SBK2: variants seen among roughly 807,000 people sequenced by gnomAD.
SBK2 encodes SH3 domain binding kinase family member 2, also known as serine/threonine-protein kinase SBK2.
In SBK2, 18 loss-of-function variants were observed where a neutral mutation model predicts 15.9. The observed-to-expected ratio is 1.13, with a 90% CI of 0.78 to 1.68. The LOEUF is 1.68. Among genes scored for constraint, SBK2 ranks in the 40% most tolerant of loss-of-function variants. SBK2 has a pLI of 0.00. For synonymous variants in SBK2, 284 were observed against 246.8 expected, an observed-to-expected ratio of 1.15 and a Z score of -1.41; for missense variants, 581 against 510.9, an observed-to-expected ratio of 1.14 and a Z score of -1.32.
chr19:55,534,204 G>A (rs2123480127), intron 2 of SBK2, among the ~76,000 whole-genome samples: 1 of 152,296 alleles, frequency 6.6e-6, no homozygotes, highest in African/African-American at 2.4e-5. Context: ...GAGGTAAAAT[G>A]AGGTCACTAG....
chr19:55,529,922 G>A lies in SBK2; in HGVS notation c.858C>T (p.Pro286=), dbSNP rs1988203268. 3 of 1,533,920 alleles carry A rather than the reference G, an allele frequency of 2.0e-6. No individual in the cohort carries two copies. In the East Asian group the frequency reaches 7.2e-5, roughly 37 times the overall value. Residue 286 remains proline, a synonymous_variant, in exon 4 of 4, where the codon CCC becomes CCT. Coordinates refer to ENST00000413299, the MANE Select transcript of SBK2 (RefSeq NM_001370096.2). The stretch of plus-strand genomic sequence containing the variant: ...CGAACCAGGGCTGAGGGCGGTCCCG[G>A]GGCTGGCCCGACGCCTGCCAGATGA... ...DFLIWQASGQ[P]RDRPQPWFGL...
chr19:55,536,115 C>G lies in SBK2; in HGVS notation c.180G>C (p.Glu60Asp), dbSNP rs900497298. 1.0e-5 allele frequency: 16 copies of G among 1,551,812 alleles called. No individual in the cohort carries two copies. Among genetic ancestry groups the G allele is most frequent in the Admixed American group, 1.9e-5 (1 of 51,596 alleles). Residue 60 changes from glutamate to aspartate, a missense_variant, in exon 2 of 4, where the codon GAG (glutamate) becomes GAC (aspartate). Coordinates refer to ENST00000413299, the MANE Select transcript of SBK2 (RefSeq NM_001370096.2). ...AQTLVRAEVD[E>D]LYEEVRPLGQ... ...CCAGGGGACGCACTTCCTCGTAGAG[C>G]TCGTCCACCTCGGCTCGGACCAGGG...
At position 55,530,085 on chromosome 19, in the gene SBK2, G is replaced by C. The variant is rs1988213096; in HGVS notation, c.695C>G (p.Pro232Arg). 6.9e-7 allele frequency: 1 copy of C among 1,440,394 alleles called. No homozygotes were observed. Among genetic ancestry groups the C allele is most frequent in the Non-Finnish European group, 9.1e-7 (1 of 1,102,876 alleles). 89.2% of individuals were successfully genotyped at this position (1,440,394 alleles called of 1,614,324 possible). ...AATGGGCAGGCCCTCGGGGAGCGGC[G>C]GGGGCGCGCAGAGCTCGGGGGCCGT... ...PYTAPELCAPPPLPEGLPIQP... is the reference protein window; with the variant it reads ...PYTAPELCAPRPLPEGLPIQP... The change falls in exon 4 of 4, where the codon CCG (proline) becomes CGG (arginine). Residue 232 changes from proline to arginine, a missense_variant. Physicochemically the swap from Pro to Arg is moderately radical, Grantham distance 103. Coordinates refer to ENST00000413299, the MANE Select transcript of SBK2 (RefSeq NM_001370096.2).
chr19:55,530,281 G>A lies in SBK2; in HGVS notation c.499C>T (p.Leu167=). 2 of 1,466,928 alleles carry A rather than the reference G, an allele frequency of 1.4e-6. No homozygotes were observed. The highest frequency in any genetic ancestry group is 1.8e-6 in the Non-Finnish European group (2 of 1,109,282). The allele number at this position is 1,466,928 out of a possible 1,614,324, so 90.9% of individuals were successfully genotyped here. A position where few individuals can be genotyped will look rare whatever the true frequency, so the allele number is the denominator to read the frequency against. The change falls in exon 4 of 4, where the codon CTG becomes TTG. Residue 167 remains leucine, a synonymous_variant. Coordinates refer to ENST00000413299, the MANE Select transcript of SBK2 (RefSeq NM_001370096.2). ...TGGATGTACTCCAGGGCGGAGGCCA[G>A]CTGGGCGGCGCAGCGGTGCACCGCG... ...QPAVHRCAAQ[L]ASALEYIHAR...
rs973477063 is a variant in SBK2 at position 55,529,675 on chromosome 19, G to C, written c.*58C>G. On this transcript the variant is annotated 3_prime_UTR_variant, in exon 4 of 4. Transcript: ENST00000413299. ...ACACACCGAGGAGACACCAAAAGCC[G>C]TTGGCCTTGGGGGCCTCGGGTGGGG... The C allele has an allele frequency of 1.2e-5, 18 of 1,563,862 alleles. No individual in the cohort carries two copies. The highest frequency in any genetic ancestry group is 3.4e-5 in the South Asian group (3 of 86,960).
chr19:55,531,051 C>T (rs1439229618), intron 3 of SBK2, 92 bp downstream of exon 3: 3 of 1,219,878 alleles, frequency 2.5e-6, no homozygotes, highest in East Asian at 2.4e-5. Context: ...AGGCCCAACG[C>T]AGTGGCTGTG....
Position 55,532,597 on chromosome 19 carries a change from C to T in SBK2, c.254-1252G>A, listed in dbSNP as rs901355631. 1.0e-4 allele frequency among the ~76,000 whole-genome samples: 12 copies of T among 120,152 alleles called. No individual in the cohort carries two copies. In the East Asian group the frequency reaches 2.2e-3, roughly 22 times the overall value. 78.8% of individuals were successfully genotyped at this position (120,152 alleles called of 152,430 possible). ...GATTACAGGTGTGAGCCACTACACC[C>T]GCCCTTTTTTTTTTTTTTTTTAAGA... On this transcript the variant is annotated intron_variant, in intron 2 of 3. Coordinates refer to ENST00000413299, the MANE Select transcript of SBK2 (RefSeq NM_001370096.2).
intron 2 of SBK2, among the ~76,000 whole-genome samples, chr19:55,533,917 G>A (rs1007712531): frequency 6.6e-6 from 1 of 152,060 alleles, no homozygotes; most frequent in African/African-American, 2.4e-5. Context: ...GCAGCCCAGG[G>A]GCAGGTGTGC....
Position 55,528,935 on chromosome 19 carries a change from G to C in SBK2, c.*798C>G, listed in dbSNP as rs1348507524. Among the ~76,000 whole-genome samples, 1 of 152,150 alleles carries C rather than the reference G, an allele frequency of 6.6e-6. No individual in the cohort carries two copies. Among genetic ancestry groups the C allele is most frequent in the Non-Finnish European group, 1.5e-5 (1 of 68,032 alleles). On this transcript the variant is annotated 3_prime_UTR_variant, in exon 4 of 4. Transcript: ENST00000413299. The stretch of plus-strand genomic sequence containing the variant: ...CAGTTAGAAGAGGATACACGTCCTA[G>C]AGCAACAGCAGAGTGGGGGGATGAG...
Position 55,531,704 on chromosome 19 carries a change from A to C in SBK2, c.254-359T>G, listed in dbSNP as rs149208105. On this transcript the variant is annotated intron_variant, in intron 2 of 3. Coordinates refer to ENST00000413299, the MANE Select transcript of SBK2 (RefSeq NM_001370096.2). ...AAAAAAAGTTTTAAAAAGGCCGGGC[A>C]CTGTGGCTCACGCCTGTAATCCCAG... Among the ~76,000 whole-genome samples, 1,476 of 152,304 alleles carry C rather than the reference A, an allele frequency of 9.7e-3. 18 individuals are homozygous for C. The highest frequency in any genetic ancestry group is 0.033 in the African/African-American group (1,358 of 41,570).
rs918486029 is a variant in SBK2, at chr19:55,530,123, C to T, written c.657G>A (p.Pro219=). 5 of 1,459,496 alleles carry T rather than the reference C, an allele frequency of 3.4e-6. No homozygotes were observed. Among genetic ancestry groups the T allele is most frequent in the Non-Finnish European group, 4.5e-6 (5 of 1,110,232 alleles). The allele number at this position is 1,459,496 out of a possible 1,614,324, so 90.4% of individuals were successfully genotyped here. A position where few individuals can be genotyped will look rare whatever the true frequency, so the allele number is the denominator to read the frequency against. Reference sequence around the variant, plus strand: ...GCTCGGGGGCCGTGTAGGGGATGGGCGGCCCGGCCAGGCGCAGCAGCGTCC... The same window carrying T: ...GCTCGGGGGCCGTGTAGGGGATGGGTGGCCCGGCCAGGCGCAGCAGCGTCC... ...PRGTLLRLAG[P]PIPYTAPELC... The change falls in exon 4 of 4, where the codon CCG becomes CCA. Residue 219 remains proline, a synonymous_variant. Coordinates refer to ENST00000413299, the MANE Select transcript of SBK2 (RefSeq NM_001370096.2).
At position 55,530,250 on chromosome 19, in the gene SBK2, C is replaced by T; in HGVS notation, c.530G>A (p.Arg177His). The part of the protein sequence containing the change: ...LASALEYIHA[R>H]GLVYRDLKPE... Reference sequence around the variant, plus strand: ...CTTCAGGTCCCGGTACACCAGGCCGCGGGCGTGGATGTACTCCAGGGCGGA... The same window carrying T: ...CTTCAGGTCCCGGTACACCAGGCCGTGGGCGTGGATGTACTCCAGGGCGGA... Residue 177 changes from arginine to histidine, a missense_variant, in exon 4 of 4, where the codon CGC (arginine) becomes CAC (histidine). By Grantham distance (29) the Arg-to-His change is conservative. Coordinates refer to ENST00000413299, the MANE Select transcript of SBK2 (RefSeq NM_001370096.2). 2 of 1,516,044 alleles carry T rather than the reference C, an allele frequency of 1.3e-6. No homozygotes were observed. Among genetic ancestry groups the T allele is most frequent in the South Asian group, 1.2e-5 (1 of 80,228 alleles). 93.9% of individuals were successfully genotyped at this position (1,516,044 alleles called of 1,614,324 possible). A position where few individuals can be genotyped will look rare whatever the true frequency, so the allele number is the denominator to read the frequency against.
At position 55,529,111 on chromosome 19, in the gene SBK2, T is replaced by G. The variant is rs1418239949; in HGVS notation, c.*622A>C. Among the ~76,000 whole-genome samples the G allele has an allele frequency of 6.6e-6, 1 of 152,094 alleles. No homozygotes were observed. The highest frequency in any genetic ancestry group is 1.9e-4 in the East Asian group (1 of 5,176). ...AACCATCTTTTTAAAAAGTTAAAAA[T>G]TAGCCTAGCGTGGTGGCGCATGCCT... On this transcript the variant is annotated 3_prime_UTR_variant, in exon 4 of 4. Transcript: ENST00000413299.
rs981093290 is a variant in SBK2, at chr19:55,536,504, C to T, written c.-2-208G>A. Among the ~76,000 whole-genome samples, 11 of 151,280 alleles carry T rather than the reference C, an allele frequency of 7.3e-5. No homozygotes were observed. The East Asian group carries it at 1.8e-3, about 24-fold the overall frequency. Reference sequence around the variant, plus strand: ...GTCACAGATGTCCCTGCCCGCGTGCCGCCGCCGCCACCCGCCCACCCTGAG... The same window carrying T: ...GTCACAGATGTCCCTGCCCGCGTGCTGCCGCCGCCACCCGCCCACCCTGAG... On this transcript the variant is annotated intron_variant, in intron 1 of 3. Transcript: ENST00000413299.
At chr19:55,536,389 G>C in intron 1 of SBK2, 93 bp from the exon 2 acceptor site, 2 of 1,098,256 alleles carry the variant, frequency 1.8e-6, no homozygotes, top group African/African-American at 3.4e-5. Context: ...AGGGAGGAGG[G>C]GCTGGGGGCT....
chr19:55,534,486 ACCACTTGAGG>A (rs1325524899), intron 2 of SBK2, among the ~76,000 whole-genome samples: 2 of 151,720 alleles, frequency 1.3e-5, no homozygotes, highest in Non-Finnish European at 2.9e-5. Context: ...AGGCAGGAGG[ACCACTTGAGG>A]CCAGTTTGAG....
Position 55,528,812 on chromosome 19 carries a change from A to T in SBK2, c.*921T>A, listed in dbSNP as rs1228627244. 6.6e-6 allele frequency among the ~76,000 whole-genome samples: 1 copy of T among 152,208 alleles called. No individual in the cohort carries two copies. The highest frequency in any genetic ancestry group is 1.5e-5 in the Non-Finnish European group (1 of 68,048). ...ACAGACATTTCCTGATCCCTGCTGC[A>T]GGCCATCGCTGAGTACATGGGGTCT... On this transcript the variant is annotated 3_prime_UTR_variant, in exon 4 of 4. Transcript: ENST00000413299.
intron 2 of SBK2, 54 bp downstream of exon 2, chr19:55,535,988 C>A (rs1568493149): frequency 5.6e-6 from 8 of 1,416,868 alleles, no homozygotes; most frequent in Non-Finnish European, 6.5e-6. Context: ...CTACCCCAGG[C>A]CCGTGCCCCG....
intron 2 of SBK2, among the ~76,000 whole-genome samples, chr19:55,535,402 G>A (rs1053399655): frequency 1.3e-5 from 2 of 152,276 alleles, no homozygotes; most frequent in African/African-American, 2.4e-5. Context: ...CACTACAGCC[G>A]CCACAGGAGG....
Sources: allele counts gnomAD v4.1 joint callset (sites outside exome capture counted in the v4.1 genomes callset), GRCh38; gene constraint gnomAD v4.1.1; transcripts MANE v1.5; gene names NCBI Gene and HGNC (gene_info 2026-07-23, HGNC 2026-07-21).